Variants in EIF2B3 observed in about 807,000 individuals in gnomAD.
EIF2B3 encodes the protein eukaryotic translation initiation factor 2B subunit gamma, also known as translation initiation factor eIF2B subunit gamma.
EIF2B3 carries 20 observed loss-of-function variants against 54.1 expected under a neutral mutation model. The observed-to-expected ratio is 0.37, with a 90% confidence interval of 0.26 to 0.54. The LOEUF (loss-of-function observed/expected upper bound fraction) is 0.54. EIF2B3 is among the 20% of genes least tolerant of loss of function. EIF2B3 has a pLI of 0.86. For missense variants in EIF2B3, 448 were observed against 547.8 expected, an observed-to-expected ratio of 0.82 and a Z score of 1.82; for synonymous variants, 153 against 188.1, an observed-to-expected ratio of 0.81 and a Z score of 1.52.
chr1:44,972,250 A>ACAC (rs1557711523), intron 3 of EIF2B3, among the ~76,000 whole-genome samples: 2 of 86,452 alleles, frequency 2.3e-5, no homozygotes, highest in African/African-American at 1.1e-4. Flanking sequence ...CACACACACA[A>ACAC]ACACACACAC....
At chr1:44,927,086 A>G (rs1643862846) in intron 4 of EIF2B3, among the ~76,000 whole-genome samples, 1 of 151,836 alleles carries the variant, frequency 6.6e-6, no homozygotes, top group Admixed American at 6.6e-5. Context: ...GTGAGCTGAG[A>G]TCGTGCCACT....
chr1:44,863,938 G>A (rs1573684846), intron 10 of EIF2B3, among the ~76,000 whole-genome samples: 2 of 152,114 alleles, frequency 1.3e-5, no homozygotes, highest in South Asian at 4.2e-4. Context: ...TTGCTCTTGG[G>A]TCCTCTAGAT....
At chr1:44,869,342 G>A (rs1654882413) in intron 10 of EIF2B3, among the ~76,000 whole-genome samples, 1 of 151,664 alleles carries the variant, frequency 6.6e-6, no homozygotes, top group Non-Finnish European at 1.5e-5. Context: ...CCAGGGTGTG[G>A]GGGTGCGCAC....
At chr1:44,946,547 C>T (rs1644104208) in intron 3 of EIF2B3, among the ~76,000 whole-genome samples, 1 of 151,120 alleles carries the variant, frequency 6.6e-6, no homozygotes, top group African/African-American at 2.4e-5. Flanking sequence ...AAGCATCCTA[C>T]CACCTCGGCT....
chr1:44,948,558 AT>A (rs1014423983), intron 3 of EIF2B3, among the ~76,000 whole-genome samples: 2 of 152,136 alleles, frequency 1.3e-5, no homozygotes, highest in Non-Finnish European at 2.9e-5. Flanking sequence ...TTTTAAAAAA[AT>A]ATATAGATCA....
intron 2 of EIF2B3, among the ~76,000 whole-genome samples, 161 bp from the exon 3 acceptor site, chr1:44,978,621 CTTTTTTTTTTTTTTTTTTT>C (rs57964686): frequency 2.6e-5 from 2 of 76,634 alleles, no homozygotes; most frequent in Admixed American, 3.1e-4. Context: ...CCAATAAATT[CTTTTTTTTTTTTTTTTTTT>C]TTTTTTTTTT....
At chr1:44,937,658 C>T (rs1188633181) in intron 4 of EIF2B3, among the ~76,000 whole-genome samples, 2 of 151,372 alleles carry the variant, frequency 1.3e-5, no homozygotes, top group Non-Finnish European at 2.9e-5. Flanking sequence ...CCGAGGCGGG[C>T]GGATCACGAG....
intron 3 of EIF2B3, chr1:44,972,659 G>C (rs1644414581): frequency 9.1e-6 from 1 of 109,354 alleles, no homozygotes; most frequent in African/African-American, 3.7e-5. Flanking sequence ...CACACACACT[G>C]ATTTTAATTT....
At chr1:44,925,036 G>GT (rs1404067465) in intron 5 of EIF2B3, 1 of 152,190 alleles carries the variant, frequency 6.6e-6, no homozygotes, top group Non-Finnish European at 1.5e-5. Flanking sequence ...CAGCTACCAT[G>GT]TAAGTACTGG....
At chr1:44,880,374 A>T (rs1655351338) in intron 7 of EIF2B3, among the ~76,000 whole-genome samples, 1 of 152,226 alleles carries the variant, frequency 6.6e-6, no homozygotes, top group Admixed American at 6.5e-5. Flanking sequence ...AATGCTTAAT[A>T]CGAGGTCCTA....
chr1:44,905,128 A>G (rs372837355), intron 5 of EIF2B3, among the ~76,000 whole-genome samples: 1 of 152,176 alleles, frequency 6.6e-6, no homozygotes, highest in African/African-American at 2.4e-5. Context: ...AGTGGTAGGA[A>G]TAACAGATTC....
At position 44,850,781 on chromosome 1, in the gene EIF2B3, T is replaced by A. The variant is rs942993930; in HGVS notation, c.*170A>T. On this transcript the variant is annotated 3_prime_UTR_variant, in exon 12 of 12. Transcript: ENST00000360403. ...TACCACATGACACATGAACATACACTGTGTACACCTGGAGCCCACCTGACA... is the reference window on the plus strand; with the variant it reads ...TACCACATGACACATGAACATACACAGTGTACACCTGGAGCCCACCTGACA... 5.6e-5 allele frequency: 38 copies of A among 683,954 alleles called. No individual in the cohort carries two copies. The highest frequency in any genetic ancestry group is 9.3e-5 in the Non-Finnish European group (36 of 388,458). The allele number at this position is 683,954 out of a possible 1,614,324, so 42.4% of individuals were successfully genotyped here. A position where few individuals can be genotyped will look rare whatever the true frequency, so the allele number is the denominator to read the frequency against.
At chr1:44,932,938 G>A (rs1643910283) in intron 4 of EIF2B3, among the ~76,000 whole-genome samples, 2 of 152,170 alleles carry the variant, frequency 1.3e-5, no homozygotes, top group Non-Finnish European at 1.5e-5. Flanking sequence ...TACAGAAAAT[G>A]TGGGTATAAA....
chr1:44,924,595 C>T (rs1165469517), intron 5 of EIF2B3, among the ~76,000 whole-genome samples: 2 of 151,850 alleles, frequency 1.3e-5, no homozygotes, highest in African/African-American at 4.8e-5. Context: ...ACTGTGTTAG[C>T]CAGGATAGTC....
At chr1:44,866,764 A>G (rs1419916652) in intron 10 of EIF2B3, among the ~76,000 whole-genome samples, 1 of 152,236 alleles carries the variant, frequency 6.6e-6, no homozygotes, top group Non-Finnish European at 1.5e-5. Context: ...CATGTTGGCC[A>G]GGATGGTCTC....
intron 4 of EIF2B3, among the ~76,000 whole-genome samples, chr1:44,933,137 G>A (rs1336638057): frequency 6.6e-6 from 1 of 151,834 alleles, no homozygotes; most frequent in East Asian, 1.9e-4. Context: ...TTGGAGCTTG[G>A]GTTGAATTAG....
At chr1:44,946,215 A>G (rs1205816881) in intron 3 of EIF2B3, among the ~76,000 whole-genome samples, 1 of 152,188 alleles carries the variant, frequency 6.6e-6, no homozygotes. Flanking sequence ...TGGGTCTGAA[A>G]GAACAGGGCC....
At chr1:44,900,989 G>T (rs1643282685) in intron 5 of EIF2B3, among the ~76,000 whole-genome samples, 1 of 152,016 alleles carries the variant, frequency 6.6e-6, no homozygotes, top group Non-Finnish European at 1.5e-5. Context: ...CAGAGACAGG[G>T]TTTCGCTCCA....
chr1:44,889,228 A>C (rs1302399546), intron 6 of EIF2B3, among the ~76,000 whole-genome samples: 1 of 152,240 alleles, frequency 6.6e-6, no homozygotes, highest in Non-Finnish European at 1.5e-5. Context: ...TAAGAAATTT[A>C]AAAGTGCTTT....
Sources: gnomAD v4.1 joint callset for allele counts (sites outside exome capture counted in the v4.1 genomes callset) on GRCh38, gnomAD v4.1.1 for gene constraint, MANE v1.5 for transcripts, NCBI Gene and HGNC (gene_info 2026-07-23, HGNC 2026-07-21) for gene names.